Variants in MTMR14 observed in about 807,000 individuals in gnomAD.
The protein encoded by MTMR14 is phosphatidylinositol-3,5-bisphosphate 3-phosphatase MTMR14.
MTMR14 carries 48 observed loss-of-function variants against 86.3 expected under a neutral mutation model. That is an observed-to-expected ratio of 0.56 (90% CI 0.44 to 0.71). The LOEUF is 0.71. MTMR14 is among the 30% of genes least tolerant of loss of function. MTMR14 has a pLI of 0.00. For synonymous variants in MTMR14, 366 were observed against 326.1 expected (o/e 1.12, Z -1.32); for missense variants, 780 against 834.6 (o/e 0.93, Z 0.81).
intron 1 of MTMR14, among the ~76,000 whole-genome samples, chr3:9,652,820 T>C (rs1288236659): frequency 6.6e-6 from 1 of 151,086 alleles, no homozygotes; most frequent in Non-Finnish European, 1.5e-5. Context: ...TGAAACCCCA[T>C]CTCTACTAAA....
At chr3:9,682,028 A>G (rs561965966) in intron 9 of MTMR14, among the ~76,000 whole-genome samples, 2 of 152,164 alleles carry the variant, frequency 1.3e-5, no homozygotes, top group Non-Finnish European at 2.9e-5. Flanking sequence ...GTCTTCCCCT[A>G]GCCCACCTGA....
chr3:9,693,404 T>C (rs2076193270), intron 17 of MTMR14, among the ~76,000 whole-genome samples: 1 of 152,232 alleles, frequency 6.6e-6, no homozygotes, highest in Non-Finnish European at 1.5e-5. Context: ...CCCCTACACA[T>C]GCAGTTGAAA....
At chr3:9,651,450 CTCT>C (rs976198930) in intron 1 of MTMR14, among the ~76,000 whole-genome samples, 2 of 152,132 alleles carry the variant, frequency 1.3e-5, no homozygotes, top group Non-Finnish European at 2.9e-5. Flanking sequence ...TTCTGGACCC[CTCT>C]TCCAACTTAC....
chr3:9,656,483 G>A (rs891453513), intron 2 of MTMR14, among the ~76,000 whole-genome samples: 2 of 151,622 alleles, frequency 1.3e-5, no homozygotes, highest in Admixed American at 1.3e-4. Flanking sequence ...GTGCAGTGGT[G>A]CCATCTTGGC....
intron 9 of MTMR14, among the ~76,000 whole-genome samples, chr3:9,680,259 C>T (rs1240269587): frequency 6.6e-6 from 1 of 152,172 alleles, no homozygotes; most frequent in Non-Finnish European, 1.5e-5. Context: ...AGTCTCTGCC[C>T]CTAGTGCAAC....
chr3:9,669,975 G>A (rs919031736), intron 5 of MTMR14, among the ~76,000 whole-genome samples: 2 of 152,212 alleles, frequency 1.3e-5, no homozygotes, highest in African/African-American at 4.8e-5. Flanking sequence ...TGCATGATTG[G>A]TACTACACAT....
chr3:9,683,933 C>T (rs1486630911), intron 10 of MTMR14, among the ~76,000 whole-genome samples: 2 of 152,206 alleles, frequency 1.3e-5, no homozygotes, highest in African/African-American at 4.8e-5. Context: ...ACCTCAGTCT[C>T]TGGAGTTCCA....
chr3:9,650,353 C>A (rs774464884), intron 1 of MTMR14: 12 of 456,562 alleles, frequency 2.6e-5, no homozygotes, highest in Non-Finnish European at 5.3e-5. Flanking sequence ...ACCTGGAGGG[C>A]TTCCTGTCAG....
At chr3:9,676,274 C>T (rs2075571330) in intron 7 of MTMR14, among the ~76,000 whole-genome samples, 3 of 152,216 alleles carry the variant, frequency 2.0e-5, no homozygotes, top group Non-Finnish European at 4.4e-5. Flanking sequence ...TAGCCAAGTG[C>T]CTTCTCCCAC....
chr3:9,676,293 T>C (rs180702665), intron 7 of MTMR14, among the ~76,000 whole-genome samples: 3 of 152,352 alleles, frequency 2.0e-5, no homozygotes, highest in Admixed American at 2.0e-4. Context: ...ACCATATTTC[T>C]TGAAGCCACC....
intron 3 of MTMR14, among the ~76,000 whole-genome samples, 149 bp from the exon 4 acceptor site, chr3:9,668,566 CTGAT>C (rs2048383955): frequency 6.6e-6 from 1 of 152,210 alleles, no homozygotes; most frequent in Non-Finnish European, 1.5e-5. Context: ...GATCTTCTGA[CTGAT>C]TGTGGCAGCC....
intron 9 of MTMR14, among the ~76,000 whole-genome samples, 177 bp from the exon 10 acceptor site, chr3:9,683,001 G>A (rs2075821137): frequency 6.6e-6 from 1 of 152,068 alleles, no homozygotes; most frequent in Non-Finnish European, 1.5e-5. Flanking sequence ...GAGGTGGTAG[G>A]AGCTGCTGGA....
intron 11 of MTMR14, 43 bp downstream of exon 11, chr3:9,684,713 T>C: frequency 6.2e-7 from 1 of 1,607,464 alleles, no homozygotes. Flanking sequence ...TCTTTGGGTG[T>C]GTTAGGATTG....
At chr3:9,681,815 A>C (rs1196827537) in intron 9 of MTMR14, among the ~76,000 whole-genome samples, 2 of 151,966 alleles carry the variant, frequency 1.3e-5, no homozygotes, top group Non-Finnish European at 2.9e-5. Context: ...GGAGTCTGGC[A>C]GGGCTGGATT....
rs764495217 is a variant in MTMR14 at position 9,653,677 on chromosome 3, C to T, written c.216C>T (p.Ser72=). The change falls in exon 2 of 19, where the codon AGC becomes AGT. Residue 72 remains serine, a synonymous_variant. Coordinates refer to ENST00000296003, the MANE Select transcript of MTMR14 (RefSeq NM_001077525.3). ...TGTTTGGCCGAGACTACTGTTTCAG[C>T]GTGATTCCAAACACGAATGGGGATA... ...LELFGRDYCF[S]VIPNTNGDIC... The T allele has an allele frequency of 9.3e-6, 15 of 1,614,130 alleles. No homozygotes were observed. In the Admixed American group the frequency reaches 1.2e-4, roughly 13 times the overall value.
intron 15 of MTMR14, 25 bp downstream of exon 15, chr3:9,688,779 T>C: frequency 6.2e-7 from 1 of 1,613,606 alleles, no homozygotes; most frequent in Non-Finnish European, 8.5e-7. Flanking sequence ...CCAACAGACT[T>C]CCCTTCCTCC....
intron 7 of MTMR14, chr3:9,675,428 G>A: frequency 3.1e-6 from 1 of 325,048 alleles, no homozygotes; most frequent in Non-Finnish European, 6.2e-6. Flanking sequence ...AATCTCAGTT[G>A]AGCCCTGTGA....
chr3:9,701,537 A>AT lies in MTMR14; in HGVS notation c.1770-253_1770-252insT. The AT allele has an allele frequency of 1.8e-6, 1 of 554,482 alleles. No individual in the cohort carries two copies. The highest frequency in any genetic ancestry group is 3.1e-5 in the East Asian group (1 of 32,376). The allele number at this position is 554,482 out of a possible 1,614,324, so 34.3% of individuals were successfully genotyped here. A position where few individuals can be genotyped will look rare whatever the true frequency, so the allele number is the denominator to read the frequency against. On this transcript the variant is annotated intron_variant, in intron 18 of 18. Coordinates refer to ENST00000296003, the MANE Select transcript of MTMR14 (RefSeq NM_001077525.3). The surrounding 1 kb of genome is among the most constrained non-coding windows in gnomAD (Gnocchi z 4.2). Reference sequence around the variant, plus strand: ...ACCTTGTCTCAAGAAAAAAAAAAAAAAGGTTAGTGTCCCAGTAAAAGCTCC... The same window carrying AT: ...ACCTTGTCTCAAGAAAAAAAAAAAAATAGGTTAGTGTCCCAGTAAAAGCTCC...
chr3:9,697,694 TCTC>T lies in MTMR14; in HGVS notation c.1614-13_1614-11del. ...GACTGACTGCATCCTCTCCCCTCTC[TCTC>T]CTCTCTGCCCCAGATCAGTGGACCA... On this transcript the variant is annotated splice_polypyrimidine_tract_variant and intron_variant, in intron 17 of 18. Transcript: ENST00000296003. The T allele has an allele frequency of 6.2e-7, 1 of 1,612,592 alleles. No homozygotes were observed. Among genetic ancestry groups the T allele is most frequent in the Non-Finnish European group, 8.5e-7 (1 of 1,179,100 alleles).
Sources: gnomAD v4.1 joint callset for allele counts (sites outside exome capture counted in the v4.1 genomes callset) on GRCh38, gnomAD v4.1.1 for gene constraint, Gnocchi (gnomAD v3.1) non-coding constraint, MANE v1.5 for transcripts, NCBI Gene and HGNC (gene_info 2026-07-23, HGNC 2026-07-21) for gene names.